Variants in ADAM2 observed in about 807,000 individuals in gnomAD.
ADAM2 encodes disintegrin and metalloproteinase domain-containing protein 2.
A neutral mutation model predicts 99.3 loss-of-function variants in ADAM2; 101 were observed. That is an observed-to-expected ratio of 1.02 (90% CI 0.87 to 1.20). The LOEUF (loss-of-function observed/expected upper bound fraction) is 1.20. ADAM2 is among the 50% of genes most tolerant of loss of function. The probability of loss-of-function intolerance (pLI) is 0.00; values close to 1 mark genes in which losing one functional copy is unlikely to be tolerated. For missense variants in ADAM2, 948 were observed against 878.7 expected, an observed-to-expected ratio of 1.08 and a Z score of -1.00; for synonymous variants, 323 against 287.6, an observed-to-expected ratio of 1.12 and a Z score of -1.25.
At chr8:39,818,766 A>G (rs1323588647) in intron 6 of ADAM2, among the ~76,000 whole-genome samples, 1 of 152,066 alleles carries the variant, frequency 6.6e-6, no homozygotes, top group Non-Finnish European at 1.5e-5. Flanking sequence ...ACCAAATACT[A>G]ATAATGAGAA....
chr8:39,831,904 T>G (rs751218747), intron 3 of ADAM2, among the ~76,000 whole-genome samples: 4 of 151,988 alleles, frequency 2.6e-5, no homozygotes, highest in Non-Finnish European at 5.9e-5. Context: ...GTTAGCAGAG[T>G]GAGAAAAAGC....
intron 4 of ADAM2, among the ~76,000 whole-genome samples, chr8:39,824,607 A>G (rs1266177455): frequency 6.6e-6 from 1 of 152,204 alleles, no homozygotes; most frequent in Non-Finnish European, 1.5e-5. Context: ...GTGTCTAAAT[A>G]GTTTAGAAAC....
chr8:39,823,139 A>G (rs191243641), intron 4 of ADAM2, among the ~76,000 whole-genome samples: 72 of 152,212 alleles, frequency 4.7e-4, no homozygotes, highest in Admixed American at 4.3e-3. Context: ...TTTAATTATG[A>G]TGACTATCTG....
At chr8:39,805,732 T>C (rs1308779083) in intron 7 of ADAM2, among the ~76,000 whole-genome samples, 1 of 152,180 alleles carries the variant, frequency 6.6e-6, no homozygotes, top group African/African-American at 2.4e-5. Context: ...ACATGATTTG[T>C]AGCTGACAGC....
intron 16 of ADAM2, among the ~76,000 whole-genome samples, chr8:39,754,521 TTAATTTGGTAAGACATTTTCAAAG>T (rs1802075050): frequency 6.6e-6 from 1 of 152,274 alleles, no homozygotes; most frequent in Admixed American, 6.5e-5. Flanking sequence ...GTCTTGGGCA[TTAATTTGGTAAGACATTTTCAAAG>T]TAAATTTAAT....
At chr8:39,816,374 G>A (rs1298923316) in intron 6 of ADAM2, among the ~76,000 whole-genome samples, 2 of 152,100 alleles carry the variant, frequency 1.3e-5, no homozygotes, top group African/African-American at 4.8e-5. Context: ...ATATAAAATT[G>A]TCAGCCACAT....
At chr8:39,796,891 G>A (rs1287232895) in intron 7 of ADAM2, among the ~76,000 whole-genome samples, 2 of 151,588 alleles carry the variant, frequency 1.3e-5, no homozygotes, top group Non-Finnish European at 2.9e-5. Flanking sequence ...TGATGGGGTT[G>A]TTTTTTTTCT....
chr8:39,793,140 C>A (rs1803790328), intron 7 of ADAM2, among the ~76,000 whole-genome samples: 1 of 152,072 alleles, frequency 6.6e-6, no homozygotes, highest in Admixed American at 6.6e-5. Context: ...GTTTGAGATT[C>A]TTTTCACGAT....
At chr8:39,747,832 C>A (rs960299081) in intron 18 of ADAM2, among the ~76,000 whole-genome samples, 14 of 152,088 alleles carry the variant, frequency 9.2e-5, no homozygotes, top group Admixed American at 8.5e-4. Context: ...CTTTCTGCAA[C>A]GTGTTTTTAA....
intron 17 of ADAM2, 49 bp downstream of exon 17, chr8:39,749,618 A>G: frequency 1.3e-6 from 2 of 1,534,700 alleles, no homozygotes; most frequent in Non-Finnish European, 1.8e-6. Flanking sequence ...CAGTTTCCTA[A>G]AATTAGGCTC....
Position 39,749,600 on chromosome 8 carries a change from T to TGC in ADAM2, c.1875+66_1875+67insGC, listed in dbSNP as rs1823634345. The TGC allele has an allele frequency of 5.3e-5, 76 of 1,430,818 alleles. 1 individual carries two copies. The South Asian group carries it at 9.0e-4, about 17-fold the overall frequency. The allele number at this position is 1,430,818 out of a possible 1,614,324, so 88.6% of individuals were successfully genotyped here. ...GTGTGTGTGTGCGTGTGTGTGTGTG[T>TGC]AGCAATGCAGTTTCCTAAAATTAGG... On this transcript the variant is annotated intron_variant, in intron 17 of 20. Coordinates refer to ENST00000265708, the MANE Select transcript of ADAM2 (RefSeq NM_001464.5).
intron 10 of ADAM2, 90 bp downstream of exon 10, chr8:39,786,884 A>G: frequency 1.0e-6 from 1 of 989,298 alleles, no homozygotes; most frequent in Non-Finnish European, 1.5e-6. Context: ...AGAACAATGC[A>G]AATTTTAATA....
intron 10 of ADAM2, among the ~76,000 whole-genome samples, chr8:39,783,761 C>T (rs1004683425): frequency 6.6e-6 from 1 of 151,940 alleles, no homozygotes; most frequent in African/African-American, 2.4e-5. Flanking sequence ...ACCATCCTGG[C>T]TAACATGGTG....
chr8:39,796,771 C>G (rs945067458), intron 7 of ADAM2, among the ~76,000 whole-genome samples: 2 of 152,106 alleles, frequency 1.3e-5, no homozygotes, highest in Non-Finnish European at 2.9e-5. Flanking sequence ...GTAGTTTTGA[C>G]TTGAATTTCT....
intron 15 of ADAM2, among the ~76,000 whole-genome samples, chr8:39,756,519 A>C (rs903457120): frequency 6.6e-6 from 1 of 152,204 alleles, no homozygotes; most frequent in Admixed American, 6.5e-5. Context: ...TTGCTACATC[A>C]GAAGATTCAG....
intron 12 of ADAM2, among the ~76,000 whole-genome samples, chr8:39,768,269 A>AT (rs1473092288): frequency 1.3e-5 from 2 of 152,140 alleles, no homozygotes; most frequent in Non-Finnish European, 2.9e-5. Context: ...ACGAGGAACA[A>AT]TTTTTTAAAA....
intron 7 of ADAM2, among the ~76,000 whole-genome samples, chr8:39,789,105 C>G (rs895797293): frequency 2.0e-5 from 3 of 151,304 alleles, no homozygotes; most frequent in African/African-American, 4.8e-5. Context: ...TACAATTCAC[C>G]TAAAAGTAAA....
intron 7 of ADAM2, among the ~76,000 whole-genome samples, chr8:39,799,694 C>T (rs1179503508): frequency 6.6e-6 from 1 of 152,130 alleles, no homozygotes; most frequent in Non-Finnish European, 1.5e-5. Context: ...TCTCTAAGAA[C>T]TTGCTTTATG....
Position 39,809,954 on chromosome 8 carries a change from G to T in ADAM2, c.514-488C>A, listed in dbSNP as rs571802396. Among the ~76,000 whole-genome samples the T allele has an allele frequency of 1.2e-4, 19 of 152,182 alleles. No individual in the cohort carries two copies. In the East Asian group the frequency reaches 3.7e-3, roughly 29 times the overall value. The stretch of plus-strand genomic sequence containing the variant: ...ACAATATTAACCTTAAATGCAAATG[G>T]GCTAAATGCTCCAATTAAAAGACAC... On this transcript the variant is annotated intron_variant, in intron 6 of 20. Coordinates refer to ENST00000265708, the MANE Select transcript of ADAM2 (RefSeq NM_001464.5).
Sources: gnomAD v4.1 joint callset for allele counts (sites outside exome capture counted in the v4.1 genomes callset) on GRCh38, gnomAD v4.1.1 for gene constraint, MANE v1.5 for transcripts, NCBI Gene and HGNC (gene_info 2026-07-23, HGNC 2026-07-21) for gene names.